The following CD99L2 variants were observed in gnomAD, a reference collection of about 807,000 sequenced individuals.
The protein encoded by CD99L2 is CD99 antigen-like protein 2.
A neutral mutation model predicts 27.3 loss-of-function variants in CD99L2; 24 were observed. The observed-to-expected ratio is 0.88, with a 90% CI of 0.64 to 1.24. The LOEUF is 1.24. Among genes scored for constraint, CD99L2 ranks in the 50% most tolerant of loss-of-function variants. The probability of loss-of-function intolerance (pLI) is 0.00; values close to 1 mark genes in which losing one functional copy is unlikely to be tolerated. For synonymous variants in CD99L2, 97 were observed against 87.9 expected (o/e 1.10, Z -0.58); for missense variants, 255 against 221.6 (o/e 1.15, Z -0.96).
chrX:150,844,586 C>A (rs781950822), intron 1 of CD99L2, among the ~76,000 whole-genome samples: 1 of 112,182 alleles, frequency 8.9e-6, no homozygotes, highest in Non-Finnish European at 1.9e-5. Flanking sequence ...TGCTTTCACA[C>A]CTCAAAGCAT....
chrX:150,885,541 A>G (rs1366996152), intron 1 of CD99L2, among the ~76,000 whole-genome samples: 3 of 112,356 alleles, frequency 2.7e-5, no homozygotes, highest in African/African-American at 9.7e-5. Context: ...ACTGTATTCT[A>G]ACATGCTAAC....
intron 7 of CD99L2, among the ~76,000 whole-genome samples, chrX:150,782,370 T>C (rs1161601365): frequency 1.8e-5 from 2 of 111,900 alleles, no homozygotes; most frequent in African/African-American, 6.5e-5. Context: ...CACTCCTCAC[T>C]GTTCCAGGAA....
intron 4 of CD99L2, among the ~76,000 whole-genome samples, chrX:150,796,147 G>A (rs1557419904): frequency 8.9e-6 from 1 of 112,316 alleles, no homozygotes; most frequent in Non-Finnish European, 1.9e-5. Flanking sequence ...AAAAGACAGA[G>A]ACAGTGCTGT....
At chrX:150,871,750 A>G (rs1460587313) in intron 1 of CD99L2, among the ~76,000 whole-genome samples, 1 of 112,234 alleles carries the variant, frequency 8.9e-6, no homozygotes, top group African/African-American at 3.2e-5. Flanking sequence ...CATCAATAGG[A>G]GAATAGATAA....
At position 150,768,892 on chromosome X, in the gene CD99L2, C is replaced by G; in HGVS notation, c.*142G>C. The G allele has an allele frequency of 9.5e-7, 1 of 1,054,347 alleles. No individual in the cohort carries two copies. Among genetic ancestry groups the G allele is most frequent in the Non-Finnish European group, 1.2e-6 (1 of 827,916 alleles). 86.9% of individuals were successfully genotyped at this position (1,054,347 alleles called of 1,213,427 possible). A position where few individuals can be genotyped will look rare whatever the true frequency, so the allele number is the denominator to read the frequency against. Reference sequence around the variant, plus strand: ...CAGAGAAACCAAACTCACAAACACCCAGAGCTCATCCGGGAAACTCAGACC... The same window carrying G: ...CAGAGAAACCAAACTCACAAACACCGAGAGCTCATCCGGGAAACTCAGACC... On this transcript the variant is annotated 3_prime_UTR_variant, in exon 11 of 11. Transcript: ENST00000370377.
chrX:150,869,869 G>A (rs2047128391), intron 1 of CD99L2, among the ~76,000 whole-genome samples: 1 of 111,031 alleles, frequency 9.0e-6, no homozygotes, highest in African/African-American at 3.3e-5. Flanking sequence ...CCTTTTGGAG[G>A]AAGATGGGGA....
chrX:150,790,613 G>C (rs2045670860), intron 7 of CD99L2, among the ~76,000 whole-genome samples: 1 of 111,653 alleles, frequency 9.0e-6, no homozygotes, highest in Non-Finnish European at 1.9e-5. Flanking sequence ...GTATGAGTTA[G>C]CAATTCTGAT....
intron 2 of CD99L2, among the ~76,000 whole-genome samples, chrX:150,825,954 G>A (rs998815622): frequency 6.3e-5 from 7 of 111,594 alleles, no homozygotes; most frequent in African/African-American, 2.0e-4. Flanking sequence ...TATGTCCCCC[G>A]CACCCAGCCC....
chrX:150,874,694 A>G (rs2047204748), intron 1 of CD99L2, among the ~76,000 whole-genome samples: 1 of 111,698 alleles, frequency 9.0e-6, no homozygotes, highest in South Asian at 3.7e-4. Context: ...GTCACTGGGC[A>G]ACCTTCCTTG....
Position 150,898,054 on chromosome X carries a change from A to ACCCCCCCCCCCCCCCC in CD99L2, c.67+452_67+467dup, listed in dbSNP as rs370763385. ...AGCTGGTTAGACCTACGCCTCGCTG[A>ACCCCCCCCCCCCCCCC]CCCCCCCCCCCCCCCCCCACAGCCC... On this transcript the variant is annotated intron_variant, in intron 1 of 10. Coordinates refer to ENST00000370377, the MANE Select transcript of CD99L2 (RefSeq NM_031462.4). Among the ~76,000 whole-genome samples, 2 of 29,967 alleles carry ACCCCCCCCCCCCCCCC rather than the reference A, an allele frequency of 6.7e-5. 1 individual carries two copies. Among genetic ancestry groups the ACCCCCCCCCCCCCCCC allele is most frequent in the African/African-American group, 1.8e-4 (2 of 11,153 alleles). The allele number at this position is 29,967 out of a possible 115,157, so 26.0% of individuals were successfully genotyped here. A position where few individuals can be genotyped will look rare whatever the true frequency, so the allele number is the denominator to read the frequency against.
chrX:150,800,042 A>T (rs1228802059), intron 4 of CD99L2, among the ~76,000 whole-genome samples: 1 of 112,505 alleles, frequency 8.9e-6, no homozygotes, highest in Non-Finnish European at 1.9e-5. Flanking sequence ...AATATTATTC[A>T]GGCTTAAAAG....
At chrX:150,777,545 TCCGC>T in intron 7 of CD99L2, 63 bp from the exon 8 acceptor site, 2 of 1,113,194 alleles carry the variant, frequency 1.8e-6, no homozygotes. Flanking sequence ...AGCTCGGGCC[TCCGC>T]GAGACGGATG....
At chrX:150,875,831 T>C (rs964590021) in intron 1 of CD99L2, among the ~76,000 whole-genome samples, 2 of 112,206 alleles carry the variant, frequency 1.8e-5, no homozygotes, top group Admixed American at 9.4e-5. Flanking sequence ...CCACCATCCA[T>C]GTAAGATGTG....
chrX:150,845,854 T>C (rs1173633307), intron 1 of CD99L2, among the ~76,000 whole-genome samples: 2 of 112,599 alleles, frequency 1.8e-5, no homozygotes, highest in African/African-American at 6.4e-5. Flanking sequence ...AAGTGGCACA[T>C]TGCTCTCAGG....
chrX:150,854,606 G>A (rs1020700246), intron 1 of CD99L2, among the ~76,000 whole-genome samples: 1 of 111,414 alleles, frequency 9.0e-6, no homozygotes, highest in African/African-American at 3.3e-5. Flanking sequence ...GCTCTAATTC[G>A]TTATGACTGC....
intron 4 of CD99L2, among the ~76,000 whole-genome samples, chrX:150,803,437 C>T (rs2045949494): frequency 9.0e-6 from 1 of 111,693 alleles, no homozygotes; most frequent in South Asian, 3.7e-4. Flanking sequence ...CAAACTTAAT[C>T]TAAAATTATA....
At chrX:150,881,084 G>A (rs2047317705) in intron 1 of CD99L2, among the ~76,000 whole-genome samples, 1 of 111,154 alleles carries the variant, frequency 9.0e-6, no homozygotes. Flanking sequence ...CGAGTGAGAG[G>A]GAGCTGCCTG....
chrX:150,883,916 A>G (rs1466166403), intron 1 of CD99L2, among the ~76,000 whole-genome samples: 10 of 112,109 alleles, frequency 8.9e-5, no homozygotes, highest in Non-Finnish European at 1.5e-4. Flanking sequence ...CAATATTATA[A>G]AAAGCCCCAG....
At chrX:150,819,971 C>T (rs1045476544) in intron 2 of CD99L2, among the ~76,000 whole-genome samples, 3 of 111,610 alleles carry the variant, frequency 2.7e-5, no homozygotes, top group South Asian at 7.4e-4. Flanking sequence ...AGTAAATAAA[C>T]AAACAAACCA....
Sources: gnomAD v4.1 joint callset for allele counts (sites outside exome capture counted in the v4.1 genomes callset) on GRCh38, gnomAD v4.1.1 for gene constraint, MANE v1.5 for transcripts, NCBI Gene and HGNC (gene_info 2026-07-23, HGNC 2026-07-21) for gene names.